EYS: variants seen among roughly 807,000 people sequenced by gnomAD.
EYS encodes protein eyes shut homolog.
EYS carries 250 observed loss-of-function variants against 282.1 expected under a neutral mutation model. The observed-to-expected ratio is 0.89, with a 90% CI of 0.80 to 0.98. The LOEUF is 0.98. Ranked by LOEUF, EYS falls within the 50% of genes least tolerant of loss-of-function variation. The pLI is 0.00. For missense variants in EYS, 4,016 were observed against 3,709.0 expected, an observed-to-expected ratio of 1.08 and a Z score of -2.15; for synonymous variants, 1,355 against 1,282.9, an observed-to-expected ratio of 1.06 and a Z score of -1.20.
intron 31 of EYS, among the ~76,000 whole-genome samples, chr6:64,136,965 C>G (rs1212735677): frequency 6.6e-6 from 1 of 152,102 alleles, no homozygotes; most frequent in Non-Finnish European, 1.5e-5. Context: ...CTATGAAATT[C>G]CTAGATGGCA....
intron 2 of EYS, among the ~76,000 whole-genome samples, chr6:65,585,717 A>C (rs1452129089): frequency 6.6e-6 from 1 of 151,930 alleles, no homozygotes; most frequent in African/African-American, 2.4e-5. Flanking sequence ...ATGTGACTGT[A>C]TGTTGTATTT....
At chr6:64,176,998 TTTG>T (rs1764656398) in intron 31 of EYS, among the ~76,000 whole-genome samples, 1 of 134,302 alleles carries the variant, frequency 7.4e-6, no homozygotes, top group African/African-American at 2.8e-5. Flanking sequence ...TCCTTTATTA[TTTG>T]TTGTTGTTGC....
chr6:65,132,393 A>G (rs1018083790), intron 12 of EYS, among the ~76,000 whole-genome samples: 1 of 152,092 alleles, frequency 6.6e-6, no homozygotes, highest in Non-Finnish European at 1.5e-5. Flanking sequence ...TCTGGGATGC[A>G]AAGTTGGTTC....
chr6:65,345,246 T>C (rs561615387), intron 9 of EYS, among the ~76,000 whole-genome samples: 2 of 151,894 alleles, frequency 1.3e-5, no homozygotes, highest in South Asian at 4.1e-4. Context: ...AAATTATGGC[T>C]ATGTTAATAA....
intron 35 of EYS, among the ~76,000 whole-genome samples, chr6:63,944,902 C>G (rs776020621): frequency 2.6e-5 from 4 of 151,884 alleles, no homozygotes; most frequent in Non-Finnish European, 2.9e-5. Context: ...TCACCGCACT[C>G]CAGCCTGTGT....
At chr6:64,170,930 T>C (rs9444618) in intron 31 of EYS, among the ~76,000 whole-genome samples, 27,738 of 151,976 alleles carry the variant, frequency 0.18, 6,440 homozygotes, top group African/African-American at 0.54. Context: ...TATGACATAC[T>C]GAAACAATGG....
intron 26 of EYS, among the ~76,000 whole-genome samples, chr6:64,466,634 G>GA (rs1316874398): frequency 6.6e-6 from 1 of 152,078 alleles, no homozygotes; most frequent in Non-Finnish European, 1.5e-5. Context: ...AGGATATACA[G>GA]TGTCAATTAG....
intron 15 of EYS, among the ~76,000 whole-genome samples, chr6:64,940,190 C>G (rs1769043154): frequency 1.3e-5 from 2 of 151,994 alleles, no homozygotes; most frequent in South Asian, 4.1e-4. Context: ...TCCTTTCTAA[C>G]ATCCTTTTAT....
At chr6:65,462,108 T>C (rs1219366590) in intron 5 of EYS, among the ~76,000 whole-genome samples, 1 of 152,106 alleles carries the variant, frequency 6.6e-6, no homozygotes, top group East Asian at 1.9e-4. Flanking sequence ...TTTGGGACAT[T>C]TGTATAATAG....
intron 26 of EYS, among the ~76,000 whole-genome samples, chr6:64,562,812 C>A (rs570135906): frequency 1.3e-5 from 2 of 151,962 alleles, no homozygotes; most frequent in South Asian, 4.2e-4. Context: ...CACATTCTTT[C>A]ATTTAAAACA....
chr6:63,828,968 C>G (rs1388411476), intron 36 of EYS, among the ~76,000 whole-genome samples: 1 of 152,132 alleles, frequency 6.6e-6, no homozygotes, highest in Non-Finnish European at 1.5e-5. Flanking sequence ...CCAGCAGTAC[C>G]CACTACAGGG....
intron 39 of EYS, among the ~76,000 whole-genome samples, chr6:63,786,534 A>C (rs969978067): frequency 2.1e-5 from 3 of 141,530 alleles, no homozygotes; most frequent in South Asian, 5.1e-4. Context: ...GGGCCTGTCA[A>C]GGGGTGGGGG....
intron 2 of EYS, among the ~76,000 whole-genome samples, chr6:65,636,526 C>T (rs141632273): frequency 5.9e-5 from 9 of 152,242 alleles, no homozygotes; most frequent in African/African-American, 1.4e-4. Context: ...TGAGCTCTTC[C>T]TTGACTATTC....
At chr6:65,366,741 T>A (rs553492127) in intron 8 of EYS, among the ~76,000 whole-genome samples, 1 of 151,776 alleles carries the variant, frequency 6.6e-6, no homozygotes, top group African/African-American at 2.4e-5. Context: ...GAATCAGTCT[T>A]ATTAATGTAA....
chr6:64,342,590 G>C (rs1159198433), intron 29 of EYS, among the ~76,000 whole-genome samples: 1 of 151,802 alleles, frequency 6.6e-6, no homozygotes, highest in East Asian at 1.9e-4. Context: ...AGGAACAACC[G>C]GTACCAGCCA....
At chr6:64,794,352 C>T (rs892472724) in intron 22 of EYS, among the ~76,000 whole-genome samples, 1 of 152,092 alleles carries the variant, frequency 6.6e-6, no homozygotes, top group African/African-American at 2.4e-5. Context: ...TAATTCCCAA[C>T]GTTGGTGAGG....
chr6:65,501,009 T>TTTA (rs1766431516), intron 2 of EYS, among the ~76,000 whole-genome samples: 1 of 151,998 alleles, frequency 6.6e-6, no homozygotes. Context: ...CTTAAATGTT[T>TTTA]AGGGATTAAA....
chr6:63,905,035 C>G (rs1490863502), intron 35 of EYS, among the ~76,000 whole-genome samples: 1 of 152,198 alleles, frequency 6.6e-6, no homozygotes, highest in Non-Finnish European at 1.5e-5. Context: ...AACACCATGC[C>G]CATTAAGCAG....
At chr6:65,328,265 A>T (rs571666798) in intron 11 of EYS, among the ~76,000 whole-genome samples, 3 of 151,594 alleles carry the variant, frequency 2.0e-5, no homozygotes, top group African/African-American at 7.2e-5. Context: ...CTAGAAGACA[A>T]AATACTCTCC....
Sources: allele counts gnomAD v4.1 joint callset (sites outside exome capture counted in the v4.1 genomes callset), GRCh38; gene constraint gnomAD v4.1.1; transcripts MANE v1.5; gene names NCBI Gene and HGNC (gene_info 2026-07-23, HGNC 2026-07-21).